The following PCSK5 variants were observed in gnomAD, a reference collection of about 807,000 sequenced individuals.
The protein encoded by PCSK5 is proprotein convertase subtilisin/kexin type 5, also known as prohormone convertase 5.
In PCSK5, 129 loss-of-function variants were observed where a neutral mutation model predicts 233.2. The ratio of observed to expected loss-of-function variants is 0.55; its 90% CI spans 0.48 to 0.64. PCSK5 has a LOEUF of 0.64. Among genes scored for constraint, PCSK5 ranks in the 30% least tolerant of loss-of-function variants. The pLI is 0.00. For missense variants in PCSK5, 2,076 were observed against 2,430.1 expected, an observed-to-expected ratio of 0.85 and a Z score of 3.06; for synonymous variants, 825 against 879.2, an observed-to-expected ratio of 0.94 and a Z score of 1.09.
intron 35 of PCSK5, among the ~76,000 whole-genome samples, chr9:76,349,682 T>A (rs186969111): frequency 4.6e-5 from 7 of 152,218 alleles, no homozygotes; most frequent in African/African-American, 1.7e-4. Flanking sequence ...GGAAGACCTA[T>A]ACCAAGTTCC....
In PCSK5 at chr9:76,358,796, T is replaced by C. The variant is rs1830369809; in HGVS notation, c.5538T>C (p.Asp1846=). 1.9e-6 allele frequency: 3 copies of C among 1,612,914 alleles called. No individual in the cohort carries two copies. Among genetic ancestry groups the C allele is most frequent in the Non-Finnish European group, 2.5e-6 (3 of 1,179,868 alleles). The change falls in exon 38 of 38, where the codon GAT becomes GAC. Residue 1846 remains aspartate, a synonymous_variant. Coordinates refer to ENST00000674117, the MANE Select transcript of PCSK5 (RefSeq NM_001372043.1). ...EYRDRDYDED[D]DDDIVYMGQD... ...GGGATCGGGACTATGATGAGGATGATGATGATGACATCGTCTACATGGGCC... is the reference window on the plus strand; with the variant it reads ...GGGATCGGGACTATGATGAGGATGACGATGATGACATCGTCTACATGGGCC...
chr9:76,079,332 T>G (rs1312060605), intron 7 of PCSK5, among the ~76,000 whole-genome samples: 2 of 151,870 alleles, frequency 1.3e-5, no homozygotes, highest in African/African-American at 4.8e-5. Context: ...GCTGGGCATG[T>G]TTCACCATGT....
chr9:76,346,535 G>A (rs1461231821), intron 35 of PCSK5, among the ~76,000 whole-genome samples: 1 of 151,582 alleles, frequency 6.6e-6, no homozygotes, highest in East Asian at 1.9e-4. Flanking sequence ...TCTGTCTTTG[G>A]TGCTCATTTT....
chr9:76,039,642 T>C (rs1005857951), intron 5 of PCSK5, among the ~76,000 whole-genome samples: 6 of 152,260 alleles, frequency 3.9e-5, no homozygotes, highest in African/African-American at 1.4e-4. Context: ...GGACAAACAC[T>C]ACATGTTTGT....
At chr9:75,942,882 C>CTTTTTTT (rs35508069) in intron 2 of PCSK5, among the ~76,000 whole-genome samples, 20 of 112,930 alleles carry the variant, frequency 1.8e-4, no homozygotes, top group East Asian at 5.0e-4. Context: ...TTTTCTTCTT[C>CTTTTTTT]TTCTTTTTTT....
chr9:76,151,006 A>G (rs1010482148), intron 10 of PCSK5, among the ~76,000 whole-genome samples: 2 of 141,554 alleles, frequency 1.4e-5, no homozygotes, highest in Non-Finnish European at 3.0e-5. Flanking sequence ...TTCTTTTTAC[A>G]TTAAAAAAAA....
chr9:76,159,465 G>A (rs1041716673), intron 12 of PCSK5, among the ~76,000 whole-genome samples: 8 of 152,304 alleles, frequency 5.3e-5, no homozygotes, highest in African/African-American at 1.9e-4. Flanking sequence ...TAAGGCCTCT[G>A]ATATCCCCTC....
chr9:76,124,002 G>A (rs936773300), intron 9 of PCSK5, among the ~76,000 whole-genome samples: 2 of 152,018 alleles, frequency 1.3e-5, no homozygotes, highest in Non-Finnish European at 2.9e-5. Flanking sequence ...GACAAGTCTA[G>A]GGGATGCAAC....
chr9:76,106,393 G>A (rs1035615880), intron 8 of PCSK5, among the ~76,000 whole-genome samples: 17 of 152,312 alleles, frequency 1.1e-4, no homozygotes, highest in African/African-American at 4.1e-4. Context: ...TAAAGGAGAA[G>A]TTAAATTTAA....
chr9:76,310,524 T>C, intron 29 of PCSK5, 132 bp from the exon 30 acceptor site: 1 of 511,768 alleles, frequency 2.0e-6, no homozygotes. Context: ...TTAGCATCAC[T>C]AGCAAATATT....
chr9:76,267,723 C>T (rs1827378427), intron 24 of PCSK5, among the ~76,000 whole-genome samples: 1 of 152,028 alleles, frequency 6.6e-6, no homozygotes, highest in South Asian at 2.1e-4. Flanking sequence ...CTTTGTTTCC[C>T]CATGAACCAT....
At chr9:76,022,982 G>A (rs375701983) in intron 3 of PCSK5, among the ~76,000 whole-genome samples, 2 of 152,288 alleles carry the variant, frequency 1.3e-5, no homozygotes, top group African/African-American at 4.8e-5. Context: ...CACACATCTG[G>A]CTGCTGTACA....
intron 7 of PCSK5, among the ~76,000 whole-genome samples, chr9:76,090,100 G>A (rs920354520): frequency 6.6e-6 from 1 of 152,090 alleles, no homozygotes; most frequent in Non-Finnish European, 1.5e-5. Context: ...GCCATGCAAA[G>A]CCATATTTAA....
At chr9:75,989,863 T>C (rs563772530) in intron 3 of PCSK5, among the ~76,000 whole-genome samples, 15 of 152,254 alleles carry the variant, frequency 9.9e-5, no homozygotes, top group African/African-American at 2.9e-4. Flanking sequence ...TGATTCAATG[T>C]AACAGGGAAT....
intron 9 of PCSK5, among the ~76,000 whole-genome samples, chr9:76,133,055 A>G (rs1471447833): frequency 1.3e-5 from 2 of 151,998 alleles, no homozygotes; most frequent in African/African-American, 2.4e-5. Context: ...AGACTACCCC[A>G]AGCCCCATCA....
At chr9:76,045,718 A>G (rs373363839) in intron 5 of PCSK5, among the ~76,000 whole-genome samples, 1 of 152,230 alleles carries the variant, frequency 6.6e-6, no homozygotes, top group Non-Finnish European at 1.5e-5. Flanking sequence ...TTATTAATAA[A>G]TTAATAACTG....
Position 76,361,830 on chromosome 9 carries a change from CTG to C in PCSK5, c.*2911_*2912del, listed in dbSNP as rs1379073506. ...ATATCAATGGAAGACTTTCTCACCT[CTG>C]TGGTTGCAGTTAGCTTACAAAAACG... On this transcript the variant is annotated 3_prime_UTR_variant, in exon 38 of 38. Coordinates refer to ENST00000674117, the MANE Select transcript of PCSK5 (RefSeq NM_001372043.1). 1.3e-5 allele frequency: 2 copies of C among 152,346 alleles called. No individual in the cohort carries two copies. The highest frequency in any genetic ancestry group is 4.8e-5 in the African/African-American group (2 of 41,578). The allele number at this position is 152,346 out of a possible 1,614,324, so 9.4% of individuals were successfully genotyped here.
chr9:75,984,904 A>G (rs1270000987), intron 2 of PCSK5, among the ~76,000 whole-genome samples: 1 of 152,196 alleles, frequency 6.6e-6, no homozygotes, highest in Non-Finnish European at 1.5e-5. Context: ...AGGATGCCTT[A>G]GGATCCCTTC....
intron 7 of PCSK5, among the ~76,000 whole-genome samples, chr9:76,089,482 A>G (rs1051535422): frequency 3.3e-5 from 5 of 152,204 alleles, no homozygotes; most frequent in Non-Finnish European, 7.3e-5. Flanking sequence ...CAGTTTCCTA[A>G]TATGGAACAA....
Sources: allele counts gnomAD v4.1 joint callset (sites outside exome capture counted in the v4.1 genomes callset), GRCh38; gene constraint gnomAD v4.1.1; transcripts MANE v1.5; gene names NCBI Gene and HGNC (gene_info 2026-07-23, HGNC 2026-07-21).